The following NDUFS7 variants were observed in gnomAD, a reference collection of about 807,000 sequenced individuals.
The protein encoded by NDUFS7 is NADH:ubiquinone oxidoreductase core subunit S7.
In NDUFS7, 11 loss-of-function variants were observed where a neutral mutation model predicts 31.1. That is an observed-to-expected ratio of 0.35 (90% CI 0.22 to 0.59). The LOEUF is 0.59. NDUFS7 is among the 20% of genes least tolerant of loss of function. NDUFS7 has a pLI of 0.79. For missense variants in NDUFS7, 263 were observed against 324.2 expected (o/e 0.81, Z 1.45); for synonymous variants, 136 against 127.9 (o/e 1.06, Z -0.43).
At chr19:1,389,320 TG>T (rs2082537095) in intron 4 of NDUFS7, 1 of 460,756 alleles carries the variant, frequency 2.2e-6, no homozygotes. Context: ...TGCACACACA[TG>T]CACACTCACA....
chr19:1,391,254 C>T (rs2144620753), intron 6 of NDUFS7, 89 bp downstream of exon 6: 1 of 1,490,528 alleles, frequency 6.7e-7, no homozygotes, highest in Non-Finnish European at 9.2e-7. Flanking sequence ...AAAGTGTCAT[C>T]TACATTCAGT....
chr19:1,384,097 G>C, intron 1 of NDUFS7, 155 bp downstream of exon 1: 1 of 811,326 alleles, frequency 1.2e-6, no homozygotes, highest in East Asian at 3.2e-5. Context: ...TCCCCGCCCG[G>C]CTTGCGATGA....
chr19:1,395,192 A>G (rs2144628514), intron 7 of NDUFS7, 199 bp from the exon 8 acceptor site: 1 of 1,422,928 alleles, frequency 7.0e-7, no homozygotes, highest in South Asian at 1.5e-5. Context: ...GGCCTTGCCC[A>G]GGGGAGGACC....
chr19:1,389,050 T>C (rs752069239), intron 4 of NDUFS7, 112 bp downstream of exon 4: 3 of 903,710 alleles, frequency 3.3e-6, no homozygotes, highest in South Asian at 2.8e-5. Flanking sequence ...AACACATGCA[T>C]GCACACTCAC....
intron 4 of NDUFS7, 96 bp downstream of exon 4, chr19:1,389,034 A>G: frequency 1.0e-6 from 1 of 991,340 alleles, no homozygotes; most frequent in Non-Finnish European, 1.6e-6. Context: ...AGACACGTAC[A>G]CACACAACAC....
At chr19:1,392,950 T>G (rs1039307486) in intron 6 of NDUFS7, 1 of 501,192 alleles carries the variant, frequency 2.0e-6, no homozygotes, top group African/African-American at 1.9e-5. Context: ...TGGCTTTTTG[T>G]TGACACATGT....
rs1479217152 is a variant in NDUFS7, at chr19:1,394,624, G to A, written c.545-767G>A. On this transcript the variant is annotated intron_variant, in intron 7 of 7. Coordinates refer to ENST00000233627, the MANE Select transcript of NDUFS7 (RefSeq NM_024407.5). ...GGGGACCGCGCCCCTCCCTCCCAGCGGACCGCGCTCCTCCCTCCCTGGGGA... is the reference window on the plus strand; with the variant it reads ...GGGGACCGCGCCCCTCCCTCCCAGCAGACCGCGCTCCTCCCTCCCTGGGGA... The A allele has an allele frequency of 7.6e-4, 910 of 1,199,216 alleles. 3 individuals are homozygous for A. In the African/African-American group the frequency reaches 8.2e-3, roughly 11 times the overall value. The allele number at this position is 1,199,216 out of a possible 1,614,324, so 74.3% of individuals were successfully genotyped here.
chr19:1,387,842 T>A lies in NDUFS7; in HGVS notation c.48T>A (p.Gly16=). 6.3e-7 allele frequency: 1 copy of A among 1,581,114 alleles called. No homozygotes were observed. Among genetic ancestry groups the A allele is most frequent in the Non-Finnish European group, 8.6e-7 (1 of 1,165,542 alleles). Residue 16 remains glycine (G), a synonymous_variant, in exon 2 of 8, where the codon GGT becomes GGA. Transcript: ENST00000233627. The part of the protein sequence containing the change: ...APGLRGFRIL[G]LRSSVGPAVQ... ...GCCTGCGCGGCTTCCGGATCCTTGG[T>A]CTGCGGTGAGTGCCTGAGTCTCCAG...
chr19:1,388,878 C>T lies in NDUFS7; in HGVS notation c.168C>T (p.Pro56=), dbSNP rs370831422. 338 of 1,609,078 alleles carry T rather than the reference C, an allele frequency of 2.1e-4. No homozygotes were observed. The highest frequency in any genetic ancestry group is 2.8e-4 in the Non-Finnish European group (329 of 1,178,262). The stretch of plus-strand genomic sequence containing the variant: ...AGGCCAGAGCCGTGGCTCCCAAACC[C>T]AGCAGCCGGGGCGAGTATGTGGTGG... ...LPKARAVAPK[P]SSRGEYVVAK... is the part of the protein sequence containing the mutation. The change falls in exon 4 of 8, where the codon CCC becomes CCT. Residue 56 remains proline (P), a synonymous_variant. Coordinates refer to ENST00000233627, the MANE Select transcript of NDUFS7 (RefSeq NM_024407.5).
At chr19:1,394,662 C>A in intron 7 of NDUFS7, 1 of 1,223,570 alleles carries the variant, frequency 8.2e-7, no homozygotes. Flanking sequence ...TCGCTCCTCC[C>A]TCCCTCCCTG....
chr19:1,387,466 C>T (rs1015894948), intron 1 of NDUFS7, among the ~76,000 whole-genome samples: 9 of 152,076 alleles, frequency 5.9e-5, no homozygotes, highest in Non-Finnish European at 5.9e-5. Flanking sequence ...GGGTGTCCCC[C>T]GCAGGGCAGC....
At chr19:1,389,879 G>A (rs934738849) in intron 4 of NDUFS7, 1 of 228,248 alleles carries the variant, frequency 4.4e-6, no homozygotes, top group African/African-American at 2.3e-5. Context: ...TTTAATGCAG[G>A]ATAGTTCTTT....
At chr19:1,384,931 C>G (rs1450000218) in intron 1 of NDUFS7, among the ~76,000 whole-genome samples, 2 of 152,210 alleles carry the variant, frequency 1.3e-5, no homozygotes, top group Admixed American at 6.5e-5. Context: ...TCTGGCACTT[C>G]AGTGTCCTGT....
At chr19:1,391,076 C>A in intron 5 of NDUFS7, 26 bp downstream of exon 5, 1 of 1,612,476 alleles carries the variant, frequency 6.2e-7, no homozygotes, top group Non-Finnish European at 8.5e-7. Flanking sequence ...GCCGCCCAGC[C>A]GCCCCCAGAG....
At position 1,395,419 on chromosome 19, in the gene NDUFS7, C is replaced by G. The variant is rs145544378; in HGVS notation, c.573C>G (p.Leu191=). The G allele has an allele frequency of 1.9e-6, 3 of 1,602,344 alleles. No individual in the cohort carries two copies. The highest frequency in any genetic ancestry group is 2.2e-5 in the South Asian group (2 of 88,902). The change falls in exon 8 of 8, where the codon CTC becomes CTG. Residue 191 remains leucine, a synonymous_variant. Coordinates refer to ENST00000233627, the MANE Select transcript of NDUFS7 (RefSeq NM_024407.5). The part of the protein sequence containing the change: ...PGCPPTAEAL[L]YGILQLQRKI... The stretch of plus-strand genomic sequence containing the variant: ...GCCCACCTACGGCCGAGGCCCTGCT[C>G]TACGGCATCCTGCAGCTGCAGAGGA...
chr19:1,391,061 T>TTCCAGCCG lies in NDUFS7; in HGVS notation c.408+11_408+12insTCCAGCCG, dbSNP rs1555775841. The TTCCAGCCG allele has an allele frequency of 6.2e-7, 1 of 1,612,676 alleles. No individual in the cohort carries two copies. Among genetic ancestry groups the TTCCAGCCG allele is most frequent in the Non-Finnish European group, 8.5e-7 (1 of 1,179,640 alleles). ...CCAGCGCTTCGCAAGGTAGGCCTCGTCCCAGCCGCCCAGCCGCCCCCAGAG... is the reference window on the plus strand; with the variant it reads ...CCAGCGCTTCGCAAGGTAGGCCTCGTTCCAGCCGCCCAGCCGCCCAGCCGCCCCCAGAG... On this transcript the variant is annotated intron_variant, in intron 5 of 7. Coordinates refer to ENST00000233627, the MANE Select transcript of NDUFS7 (RefSeq NM_024407.5).
chr19:1,389,810 C>T (rs773874421), intron 4 of NDUFS7: 1 of 326,180 alleles, frequency 3.1e-6, no homozygotes, highest in Non-Finnish European at 6.0e-6. Context: ...TTTTTGTTTC[C>T]TAAACAATGC....
At chr19:1,387,100 G>C (rs1234578765) in intron 1 of NDUFS7, 1 of 154,180 alleles carries the variant, frequency 6.5e-6, no homozygotes, top group Non-Finnish European at 1.4e-5. Context: ...GGCTCCTCTA[G>C]GGGTGCTTTT....
Position 1,395,570 on chromosome 19 carries a change from C to T in NDUFS7, c.*82C>T. On this transcript the variant is annotated 3_prime_UTR_variant, in exon 8 of 8. Transcript: ENST00000233627. ...CCCGTGAGGTTGTCAATAAACCTGC[C>T]CTCGGGCTGCCGCCTCCCAGTGTGG... The T allele has an allele frequency of 1.4e-6, 2 of 1,466,956 alleles. No homozygotes were observed. Among genetic ancestry groups the T allele is most frequent in the Non-Finnish European group, 9.3e-7 (1 of 1,075,592 alleles). The allele number at this position is 1,466,956 out of a possible 1,614,324, so 90.9% of individuals were successfully genotyped here.
Sources: gnomAD v4.1 joint callset for allele counts (sites outside exome capture counted in the v4.1 genomes callset) on GRCh38, gnomAD v4.1.1 for gene constraint, MANE v1.5 for transcripts, NCBI Gene and HGNC (gene_info 2026-07-23, HGNC 2026-07-21) for gene names.